The following MEIS1 variants were observed in gnomAD, a reference collection of about 807,000 sequenced individuals.
The protein encoded by MEIS1 is homeobox protein Meis1.
A neutral mutation model predicts 50.8 loss-of-function variants in MEIS1; 5 were observed. The observed-to-expected ratio is 0.10, with a 90% CI of 0.05 to 0.21. The LOEUF is 0.21. Ranked by LOEUF, MEIS1 falls within the 10% of genes least tolerant of loss-of-function variation. The probability of loss-of-function intolerance (pLI) is 1.00; values close to 1 mark genes in which losing one functional copy is unlikely to be tolerated. For synonymous variants in MEIS1, 176 were observed against 179.3 expected, an observed-to-expected ratio of 0.98 and a Z score of 0.15; for missense variants, 318 against 517.3, an observed-to-expected ratio of 0.61 and a Z score of 3.74.
At chr2:66,570,138 G>A (rs1324041259) in intron 12 of MEIS1, 1 of 152,158 alleles carries the variant, frequency 6.6e-6, no homozygotes, top group East Asian at 1.9e-4. Flanking sequence ...GAGGCCAGGG[G>A]TAATTCGTAC....
At chr2:66,510,526 A>C (rs1673802370) in intron 7 of MEIS1, among the ~76,000 whole-genome samples, 1 of 152,198 alleles carries the variant, frequency 6.6e-6, no homozygotes, top group Non-Finnish European at 1.5e-5. Context: ...TTTAAATATA[A>C]TAAAATTACA....
intron 7 of MEIS1, among the ~76,000 whole-genome samples, chr2:66,489,791 A>G (rs753663901): frequency 6.6e-6 from 1 of 152,236 alleles, no homozygotes; most frequent in African/African-American, 2.4e-5. Context: ...CAGTAAGTTT[A>G]TAAGAAATAA....
intron 8 of MEIS1, among the ~76,000 whole-genome samples, chr2:66,524,426 G>A (rs1208069468): frequency 6.6e-6 from 1 of 152,078 alleles, no homozygotes; most frequent in Non-Finnish European, 1.5e-5. Flanking sequence ...GCCAGGTGTG[G>A]TGGCTAATGC....
chr2:66,527,794 G>A (rs1366831786), intron 8 of MEIS1, among the ~76,000 whole-genome samples: 1 of 152,092 alleles, frequency 6.6e-6, no homozygotes, highest in African/African-American at 2.4e-5. Flanking sequence ...AAACCTGCTT[G>A]TTATGTTACC....
At chr2:66,490,387 G>T (rs1294246608) in intron 7 of MEIS1, among the ~76,000 whole-genome samples, 2 of 152,178 alleles carry the variant, frequency 1.3e-5, no homozygotes, top group Non-Finnish European at 2.9e-5. Flanking sequence ...CCCAACTCAA[G>T]AGCTCTCCTT....
At chr2:66,500,971 G>C (rs1048787069) in intron 7 of MEIS1, among the ~76,000 whole-genome samples, 32 of 152,268 alleles carry the variant, frequency 2.1e-4, no homozygotes, top group African/African-American at 7.2e-4. Context: ...GTGTATTTGT[G>C]TTTGTGTGAG....
intron 8 of MEIS1, among the ~76,000 whole-genome samples, chr2:66,541,625 A>G (rs1032278925): frequency 1.8e-4 from 28 of 152,214 alleles, no homozygotes; most frequent in Admixed American, 7.8e-4. Context: ...ACGCTAAACA[A>G]AAAATGGAGC....
chr2:66,545,485 G>C (rs1674767041), intron 8 of MEIS1, among the ~76,000 whole-genome samples: 1 of 152,154 alleles, frequency 6.6e-6, no homozygotes, highest in Admixed American at 6.6e-5. Flanking sequence ...TGACAAAATT[G>C]AGGATAAGAA....
intron 7 of MEIS1, among the ~76,000 whole-genome samples, chr2:66,494,190 C>T (rs920514749): frequency 6.6e-5 from 10 of 152,138 alleles, no homozygotes; most frequent in African/African-American, 1.7e-4. Context: ...ATCAACAAAT[C>T]GATCACTTGT....
chr2:66,527,569 T>C (rs1236347567), intron 8 of MEIS1, among the ~76,000 whole-genome samples: 3 of 150,280 alleles, frequency 2.0e-5, no homozygotes, highest in Non-Finnish European at 3.0e-5. Context: ...GTGGCTCTGA[T>C]ACCTGTATTG....
chr2:66,487,956 C>T (rs1055619373), intron 7 of MEIS1, among the ~76,000 whole-genome samples: 1 of 152,310 alleles, frequency 6.6e-6, no homozygotes, highest in African/African-American at 2.4e-5. Context: ...TAGGACTTAG[C>T]GTCAGTAATA....
At chr2:66,550,619 C>T (rs1389010452) in intron 9 of MEIS1, among the ~76,000 whole-genome samples, 2 of 151,966 alleles carry the variant, frequency 1.3e-5, no homozygotes, top group Non-Finnish European at 2.9e-5. Flanking sequence ...GACTCAGCCT[C>T]CCCAGTAGTT....
At chr2:66,473,038 G>A (rs1368385542) in intron 7 of MEIS1, among the ~76,000 whole-genome samples, 3 of 152,074 alleles carry the variant, frequency 2.0e-5, no homozygotes, top group Non-Finnish European at 4.4e-5. Flanking sequence ...GCAGTGAATT[G>A]TATTAAAATT....
chr2:66,512,453 A>G (rs1465001179), intron 8 of MEIS1, among the ~76,000 whole-genome samples, 159 bp downstream of exon 8: 1 of 152,214 alleles, frequency 6.6e-6, no homozygotes, highest in East Asian at 1.9e-4. Context: ...TATTTCTTAG[A>G]TAGATACCCC....
At chr2:66,442,790 T>G (rs1411718922) in intron 5 of MEIS1, 112 bp from the exon 6 acceptor site, 2 of 1,014,936 alleles carry the variant, frequency 2.0e-6, no homozygotes, top group Non-Finnish European at 2.8e-6. Context: ...AATTGCCCTG[T>G]GTTTCCCCTA....
At chr2:66,555,995 C>G (rs1267158559) in intron 9 of MEIS1, among the ~76,000 whole-genome samples, 2 of 151,898 alleles carry the variant, frequency 1.3e-5, no homozygotes, top group Non-Finnish European at 2.9e-5. Context: ...TTTCTGTAGA[C>G]GCTGAGGGTT....
At chr2:66,493,645 T>C (rs1673327238) in intron 7 of MEIS1, among the ~76,000 whole-genome samples, 1 of 152,194 alleles carries the variant, frequency 6.6e-6, no homozygotes, top group South Asian at 2.1e-4. Flanking sequence ...TATCCACTTA[T>C]TATGATGTTA....
chr2:66,532,919 G>T (rs1222333750), intron 8 of MEIS1, among the ~76,000 whole-genome samples: 1 of 152,092 alleles, frequency 6.6e-6, no homozygotes, highest in Non-Finnish European at 1.5e-5. Flanking sequence ...TTCTGTTTAA[G>T]AGAACTAAAA....
chr2:66,466,541 G>A (rs1471030955), intron 7 of MEIS1, among the ~76,000 whole-genome samples: 1 of 152,144 alleles, frequency 6.6e-6, no homozygotes. Context: ...CCTGAGAACT[G>A]CAGAGCTTGG....
Sources: gnomAD v4.1 joint callset for allele counts (sites outside exome capture counted in the v4.1 genomes callset) on GRCh38, gnomAD v4.1.1 for gene constraint, MANE v1.5 for transcripts, NCBI Gene and HGNC (gene_info 2026-07-23, HGNC 2026-07-21) for gene names.